IPO11: variants seen among roughly 807,000 people sequenced by gnomAD.
The protein encoded by IPO11 is importin 11, also known as importin-11.
IPO11 carries 66 observed loss-of-function variants against 143.2 expected under a neutral mutation model. That is an observed-to-expected ratio of 0.46 (90% CI 0.38 to 0.57). The LOEUF is 0.57. IPO11 is among the 20% of genes least tolerant of loss of function. The pLI is 0.00. For synonymous variants in IPO11, 385 were observed against 377.8 expected (o/e 1.02, Z -0.22); for missense variants, 1,026 against 1,141.0 (o/e 0.90, Z 1.45).
At chr5:62,600,509 C>T (rs1158553584) in intron 28 of IPO11, among the ~76,000 whole-genome samples, 2 of 152,182 alleles carry the variant, frequency 1.3e-5, no homozygotes, top group African/African-American at 4.8e-5. Context: ...CTGCAACAGA[C>T]ATAAATTGGC....
At chr5:62,519,321 T>C (rs2112293461) in intron 20 of IPO11, among the ~76,000 whole-genome samples, 1 of 152,324 alleles carries the variant, frequency 6.6e-6, no homozygotes, top group Middle Eastern at 3.4e-3. Context: ...AAATGAAAAG[T>C]ATCAGTACCC....
At chr5:62,533,153 C>A (rs116299873) in intron 22 of IPO11, among the ~76,000 whole-genome samples, 1 of 151,556 alleles carries the variant, frequency 6.6e-6, no homozygotes, top group Non-Finnish European at 1.5e-5. Flanking sequence ...CTCAGTATTA[C>A]CTTCATTTTT....
chr5:62,580,903 A>G (rs1744529724), intron 27 of IPO11: 2 of 1,551,260 alleles, frequency 1.3e-6, no homozygotes, highest in South Asian at 2.4e-5. Flanking sequence ...AATACAACTT[A>G]CTACTTCTGT....
rs114002443 is a variant in IPO11, at chr5:62,598,956, C to G, written c.2679-2808C>G. The stretch of plus-strand genomic sequence containing the variant: ...GAGGTAAAAAAATATAAGTAGGAAG[C>G]GTTTTGGTGGTTTGCCCTAACATAG... On this transcript the variant is annotated intron_variant, in intron 28 of 29. Coordinates refer to ENST00000325324, the MANE Select transcript of IPO11 (RefSeq NM_016338.5). 4.7e-3 allele frequency among the ~76,000 whole-genome samples: 711 copies of G among 152,112 alleles called. 7 individuals are homozygous for G. The highest frequency in any genetic ancestry group is 0.017 in the African/African-American group (687 of 41,498).
intron 3 of IPO11, among the ~76,000 whole-genome samples, chr5:62,449,213 TAAC>T (rs1215272533): frequency 6.6e-6 from 1 of 152,198 alleles, no homozygotes; most frequent in Non-Finnish European, 1.5e-5. Flanking sequence ...ATTTTAAAAT[TAAC>T]AACACATTCA....
chr5:62,526,323 T>A, intron 21 of IPO11, 66 bp downstream of exon 21: 1 of 1,141,528 alleles, frequency 8.8e-7, no homozygotes, highest in Non-Finnish European at 1.3e-6. Context: ...CTCATGCCAG[T>A]AAAGTTAAGG....
At chr5:62,463,821 C>A (rs1745463344) in intron 5 of IPO11, among the ~76,000 whole-genome samples, 2 of 150,746 alleles carry the variant, frequency 1.3e-5, no homozygotes, top group African/African-American at 4.9e-5. Flanking sequence ...CCTTTTACTT[C>A]TGTATTTTTT....
intron 15 of IPO11, among the ~76,000 whole-genome samples, chr5:62,492,854 A>G (rs1375629729): frequency 2.0e-5 from 3 of 152,018 alleles, no homozygotes. Context: ...TGCAACTTTA[A>G]TGAGCAGTTT....
intron 5 of IPO11, among the ~76,000 whole-genome samples, chr5:62,459,765 G>T (rs1192087465): frequency 6.6e-6 from 1 of 152,090 alleles, no homozygotes; most frequent in Non-Finnish European, 1.5e-5. Context: ...TGGCCAGGCT[G>T]GTCACGAACT....
At chr5:62,493,269 A>G (rs533758797) in intron 15 of IPO11, among the ~76,000 whole-genome samples, 5 of 152,316 alleles carry the variant, frequency 3.3e-5, no homozygotes, top group South Asian at 2.1e-4. Context: ...AATAATCTTC[A>G]TAGTATTAAC....
rs191217306 is a variant in IPO11, at chr5:62,453,846, C to A, written c.516+1913C>A. ...TTTTAACTCAATGGGTTTAAATAGC[C>A]AGTCTTGGCTGGGTGCGGTGGCTCA... On this transcript the variant is annotated intron_variant, in intron 5 of 29. Transcript: ENST00000325324. Among the ~76,000 whole-genome samples, 243 of 152,206 alleles carry A rather than the reference C, an allele frequency of 1.6e-3. 1 individual carries two copies. The highest frequency in any genetic ancestry group is 3.0e-3 in the Non-Finnish European group (202 of 67,996).
intron 1 of IPO11, 135 bp from the exon 2 acceptor site, chr5:62,437,139 T>A: frequency 1.7e-6 from 1 of 574,768 alleles, no homozygotes; most frequent in Non-Finnish European, 2.8e-6. Flanking sequence ...TTAGAAAAGA[T>A]AGAAAGGCAG....
chr5:62,626,690 A>G (rs146359634), intron 29 of IPO11, among the ~76,000 whole-genome samples: 4 of 150,438 alleles, frequency 2.7e-5, no homozygotes, highest in African/African-American at 4.9e-5. Context: ...AGCCAGAAGC[A>G]TATACAGGAA....
chr5:62,450,411 A>G (rs533658468), intron 4 of IPO11, among the ~76,000 whole-genome samples: 6 of 152,322 alleles, frequency 3.9e-5, no homozygotes, highest in African/African-American at 9.6e-5. Context: ...TTGTAGTGCA[A>G]TGAATATATT....
intron 27 of IPO11, chr5:62,579,882 G>T (rs374694422): frequency 6.4e-7 from 1 of 1,550,390 alleles, no homozygotes; most frequent in Non-Finnish European, 8.7e-7. Context: ...CTTTTGTTCC[G>T]AGAGGAGTAT....
intron 27 of IPO11, chr5:62,580,899 A>T: frequency 6.4e-7 from 1 of 1,551,364 alleles, no homozygotes; most frequent in Middle Eastern, 1.7e-4. Flanking sequence ...TGCAAATACA[A>T]CTTACTACTT....
At chr5:62,486,408 A>G (rs1485164815) in intron 12 of IPO11, among the ~76,000 whole-genome samples, 1 of 152,250 alleles carries the variant, frequency 6.6e-6, no homozygotes, top group Admixed American at 6.5e-5. Flanking sequence ...TTCTTAAGCT[A>G]GAATTTTTTC....
At chr5:62,489,377 CATTT>C (rs1203520093) in intron 14 of IPO11, 28 bp downstream of exon 14, 9 of 1,487,014 alleles carry the variant, frequency 6.1e-6, no homozygotes, top group Admixed American at 1.9e-5. Context: ...GATTTAGAAG[CATTT>C]ATTTATTCAG....
At chr5:62,464,481 TGTTTTTGAGGCA>T (rs1439802351) in intron 5 of IPO11, among the ~76,000 whole-genome samples, 1 of 151,920 alleles carries the variant, frequency 6.6e-6, no homozygotes, top group Non-Finnish European at 1.5e-5. Context: ...TTTTTTTGTT[TGTTTTTGAGGCA>T]GGGTCTCACT....
Sources: allele counts gnomAD v4.1 joint callset (sites outside exome capture counted in the v4.1 genomes callset), GRCh38; gene constraint gnomAD v4.1.1; transcripts MANE v1.5; gene names NCBI Gene and HGNC (gene_info 2026-07-23, HGNC 2026-07-21).